The following NLGN1 variants were observed in gnomAD, a reference collection of about 807,000 sequenced individuals.
NLGN1 encodes neuroligin-1.
A neutral mutation model predicts 65.5 loss-of-function variants in NLGN1; 12 were observed. The observed-to-expected ratio is 0.18, with a 90% CI of 0.12 to 0.30. The LOEUF is 0.30. Among genes scored for constraint, NLGN1 ranks in the 10% least tolerant of loss-of-function variants. NLGN1 has a pLI of 1.00. For missense variants in NLGN1, 750 were observed against 1,007.1 expected, an observed-to-expected ratio of 0.74 and a Z score of 3.46; for synonymous variants, 350 against 359.5, an observed-to-expected ratio of 0.97 and a Z score of 0.30.
chr3:173,746,695 C>T (rs571588656), intron 3 of NLGN1, among the ~76,000 whole-genome samples: 1 of 152,070 alleles, frequency 6.6e-6, no homozygotes, highest in Admixed American at 6.6e-5. Flanking sequence ...ATTATTTGTT[C>T]AAGATCTGTC....
chr3:174,292,016 AAC>A, the NLGN1 span, among the ~76,000 whole-genome samples: 4 of 151,310 alleles, frequency 2.6e-5, no homozygotes, highest in African/African-American at 7.3e-5. Context: ...CTTTATGTGT[AAC>A]ACAGAATACA....
intron 3 of NLGN1, among the ~76,000 whole-genome samples, chr3:173,792,286 G>A (rs891547777): frequency 6.6e-6 from 1 of 152,030 alleles, no homozygotes; most frequent in Admixed American, 6.6e-5. Flanking sequence ...TCTTCATAAT[G>A]ACTGCTTCAA....
chr3:173,468,159 C>A (rs960051178), intron 2 of NLGN1, among the ~76,000 whole-genome samples: 1 of 152,030 alleles, frequency 6.6e-6, no homozygotes, highest in Non-Finnish European at 1.5e-5. Context: ...CTCTTCAGCA[C>A]TTGATATGGT....
chr3:173,598,999 A>G (rs1029684434), intron 2 of NLGN1, among the ~76,000 whole-genome samples: 3 of 152,124 alleles, frequency 2.0e-5, no homozygotes, highest in African/African-American at 7.2e-5. Flanking sequence ...TATCTACTGA[A>G]CATTCTTTCT....
chr3:174,147,315 G>A (rs1723468337), intron 4 of NLGN1, among the ~76,000 whole-genome samples: 1 of 150,112 alleles, frequency 6.7e-6, no homozygotes, highest in African/African-American at 2.4e-5. Flanking sequence ...CAGGTCTACC[G>A]AACAAGAGCA....
intron 3 of NLGN1, among the ~76,000 whole-genome samples, chr3:173,621,568 A>G (rs1367069722): frequency 6.6e-6 from 1 of 152,020 alleles, no homozygotes; most frequent in Non-Finnish European, 1.5e-5. Context: ...TGGGCCGGGA[A>G]TGGGAAGAGT....
chr3:174,265,818 A>G (rs2152867266), intron 4 of NLGN1, among the ~76,000 whole-genome samples: 1 of 146,416 alleles, frequency 6.8e-6, no homozygotes, highest in Non-Finnish European at 1.5e-5. Context: ...GTATTTTTAT[A>G]CAACATCTAT....
chr3:173,812,994 T>G (rs1718285533), intron 4 of NLGN1, among the ~76,000 whole-genome samples: 2 of 151,258 alleles, frequency 1.3e-5, no homozygotes, highest in African/African-American at 4.8e-5. Flanking sequence ...TATAATATAT[T>G]GATTTATTAA....
chr3:173,597,065 C>A (rs1361443635), intron 2 of NLGN1, among the ~76,000 whole-genome samples: 1 of 152,140 alleles, frequency 6.6e-6, no homozygotes, highest in East Asian at 1.9e-4. Context: ...CTAACCCCGG[C>A]AAGCAGATGA....
chr3:173,867,812 A>G (rs943202821), intron 4 of NLGN1, among the ~76,000 whole-genome samples: 1 of 152,120 alleles, frequency 6.6e-6, no homozygotes, highest in African/African-American at 2.4e-5. Context: ...TGGGAAGTTT[A>G]AAATCTACCT....
chr3:173,883,178 CAT>C (rs1407729711), intron 4 of NLGN1, among the ~76,000 whole-genome samples: 2 of 151,710 alleles, frequency 1.3e-5, no homozygotes, highest in African/African-American at 2.4e-5. Flanking sequence ...TAAAGTGAGA[CAT>C]GTGTGACTCT....
chr3:173,619,278 C>G (rs907619550), intron 3 of NLGN1, among the ~76,000 whole-genome samples: 1 of 152,060 alleles, frequency 6.6e-6, no homozygotes, highest in Admixed American at 6.6e-5. Context: ...CCCTTCACAT[C>G]TAAGGGGAGC....
intron 4 of NLGN1, among the ~76,000 whole-genome samples, chr3:174,185,022 T>C (rs1447679158): frequency 7.0e-6 from 1 of 142,300 alleles, no homozygotes; most frequent in East Asian, 2.1e-4. Context: ...ACAACTAATA[T>C]AGGAATGGGA....
At chr3:173,567,305 C>G (rs1487886782) in intron 2 of NLGN1, among the ~76,000 whole-genome samples, 3 of 151,916 alleles carry the variant, frequency 2.0e-5, no homozygotes, top group Non-Finnish European at 2.9e-5. Flanking sequence ...GAATGTATGA[C>G]TAATACATAC....
In NLGN1 at chr3:173,785,713, A is replaced by C. The variant is rs146116862; in HGVS notation, c.494-21967A>C. Among the ~76,000 whole-genome samples, 35 of 152,272 alleles carry C rather than the reference A, an allele frequency of 2.3e-4. No individual in the cohort carries two copies. In the East Asian group the frequency reaches 5.2e-3, roughly 23 times the overall value. On this transcript the variant is annotated intron_variant, in intron 3 of 6. Coordinates refer to ENST00000457714, the Ensembl canonical transcript of NLGN1. ...ATGTAAAATATAAATGTGTTTATCT[A>C]TAAGAGTGTATGTATAATCTCTCAT...
chr3:173,719,447 C>T lies in NLGN1; in HGVS notation c.494-88233C>T, dbSNP rs542273844. Among the ~76,000 whole-genome samples, 12 of 152,166 alleles carry T rather than the reference C, an allele frequency of 7.9e-5. No individual in the cohort carries two copies. The East Asian group carries it at 2.1e-3, about 27-fold the overall frequency. On this transcript the variant is annotated intron_variant, in intron 3 of 6. Transcript: ENST00000457714. ...CTGGTCCTCAGACATCATTTAGTTA[C>T]GCACAAACTAATCTGTGTAAAGGAA...
intron 3 of NLGN1, among the ~76,000 whole-genome samples, chr3:173,715,969 G>A (rs1320523309): frequency 3.9e-5 from 6 of 151,958 alleles, no homozygotes; most frequent in Admixed American, 3.9e-4. Context: ...AGATAGAAGA[G>A]TTGTATTTTA....
intron 4 of NLGN1, among the ~76,000 whole-genome samples, chr3:174,199,623 G>A (rs1401766562): frequency 6.6e-6 from 1 of 151,988 alleles, no homozygotes; most frequent in Non-Finnish European, 1.5e-5. Flanking sequence ...TTTGCCTGAG[G>A]TAAGGACAGA....
intron 4 of NLGN1, among the ~76,000 whole-genome samples, chr3:173,918,092 A>G (rs1004610208): frequency 2.6e-5 from 4 of 152,174 alleles, no homozygotes; most frequent in African/African-American, 9.7e-5. Context: ...GCACATATTA[A>G]GTATTCAGTC....
Sources: allele counts gnomAD v4.1 joint callset (sites outside exome capture counted in the v4.1 genomes callset), GRCh38; gene constraint gnomAD v4.1.1; transcripts MANE v1.5; gene names NCBI Gene and HGNC (gene_info 2026-07-23, HGNC 2026-07-21).